HEPH: variants seen among roughly 807,000 people sequenced by gnomAD.
HEPH encodes hephaestin.
In HEPH, 69 loss-of-function variants were observed where a neutral mutation model predicts 80.8. The ratio of observed to expected loss-of-function variants is 0.85; its 90% confidence interval spans 0.70 to 1.04. The LOEUF (loss-of-function observed/expected upper bound fraction) is 1.04, where lower values mean the gene tolerates loss of function less well. Ranked by LOEUF, HEPH falls within the 50% of genes least tolerant of loss-of-function variation. The probability of loss-of-function intolerance (pLI) is 0.00; values close to 1 mark genes in which losing one functional copy is unlikely to be tolerated. For synonymous variants in HEPH, 431 were observed against 322.8 expected, an observed-to-expected ratio of 1.34 and a Z score of -3.60; for missense variants, 1,115 against 891.3, an observed-to-expected ratio of 1.25 and a Z score of -3.20.
At chrX:66,219,018 C>A (rs763930087) in intron 15 of HEPH, among the ~76,000 whole-genome samples, 2 of 111,833 alleles carry the variant, frequency 1.8e-5, no homozygotes, top group African/African-American at 3.3e-5. Flanking sequence ...CCCTTATTCC[C>A]CCACTTTGAG....
intron 5 of HEPH, among the ~76,000 whole-genome samples, chrX:66,189,337 C>T (rs1354309406): frequency 8.9e-6 from 1 of 112,406 alleles, no homozygotes; most frequent in Non-Finnish European, 1.9e-5. Flanking sequence ...TGAAACCACC[C>T]TGAAAGAATA....
intron 15 of HEPH, among the ~76,000 whole-genome samples, chrX:66,218,639 A>T (rs2089500750): frequency 9.0e-6 from 1 of 111,467 alleles, no homozygotes; most frequent in Non-Finnish European, 1.9e-5. Flanking sequence ...AGCAAGACTC[A>T]TGTTTCCAAC....
rs761911245 is a variant in HEPH, at chrX:66,237,501, T to A, written c.2564-17534T>A. 8.0e-4 allele frequency among the ~76,000 whole-genome samples: 90 copies of A among 112,322 alleles called. 2 individuals are homozygous for A. The highest frequency in any genetic ancestry group is 2.9e-3 in the African/African-American group (90 of 30,982). ...TGGACTTTGTTCTGAGAGACTGTTA[T>A]GATTTCAGTTTTTTTGCATTTGCTT... On this transcript the variant is annotated intron_variant, in intron 15 of 20. Transcript: ENST00000343002.
rs146384939 is a variant in HEPH, at chrX:66,223,937, C to T, written c.2563+15691C>T. ...TTTTTTATAACATTTTTCTCTTTCA[C>T]GACTTTCACAGACAATTCTTCGACA... On this transcript the variant is annotated intron_variant, in intron 15 of 20. Transcript: ENST00000343002. 6.9e-3 allele frequency among the ~76,000 whole-genome samples: 766 copies of T among 111,461 alleles called. 11 individuals are homozygous for T. The highest frequency in any genetic ancestry group is 0.023 in the African/African-American group (707 of 30,764).
At chrX:66,190,603 G>A (rs2087738275) in intron 6 of HEPH, among the ~76,000 whole-genome samples, 1 of 111,773 alleles carries the variant, frequency 8.9e-6, no homozygotes, top group South Asian at 3.8e-4. Context: ...TGCCACATCC[G>A]TAAAATGGGA....
At chrX:66,220,434 A>T (rs2089594860) in intron 15 of HEPH, among the ~76,000 whole-genome samples, 1 of 111,128 alleles carries the variant, frequency 9.0e-6, no homozygotes, top group Admixed American at 9.6e-5. Flanking sequence ...TCCAGCAAGG[A>T]TCAAGGGGGT....
intron 15 of HEPH, among the ~76,000 whole-genome samples, chrX:66,234,657 G>C (rs1356094592): frequency 9.6e-6 from 1 of 103,848 alleles, no homozygotes; most frequent in Non-Finnish European, 2.0e-5. Flanking sequence ...TTTTTTTTTA[G>C]AGGTAGTCTT....
chrX:66,254,995 C>G (rs368205013), intron 15 of HEPH, 40 bp from the exon 16 acceptor site: 1 of 1,005,988 alleles, frequency 9.9e-7, no homozygotes, highest in South Asian at 2.1e-5. Flanking sequence ...AGAGAAATTT[C>G]TGACCCGGTG....
chrX:66,213,452 A>G (rs12396077), intron 15 of HEPH, among the ~76,000 whole-genome samples: 6,709 of 111,686 alleles, frequency 0.06, 468 homozygotes, highest in African/African-American at 0.21. Flanking sequence ...TGGCACATAT[A>G]CACCATGGAA....
At chrX:66,172,898 T>G (rs1361524003) in intron 3 of HEPH, among the ~76,000 whole-genome samples, 1 of 112,238 alleles carries the variant, frequency 8.9e-6, no homozygotes, top group Non-Finnish European at 1.9e-5. Context: ...CCATAGAATA[T>G]TTGAATATTC....
upstream of HEPH, chrX:66,162,953 CT>C: frequency 1.1e-6 from 1 of 934,163 alleles, no homozygotes; most frequent in Non-Finnish European, 1.4e-6. Flanking sequence ...AGATGCAGTC[CT>C]TTTTAGAGAG....
intron 15 of HEPH, among the ~76,000 whole-genome samples, chrX:66,229,768 CT>C (rs200599195): frequency 1.9e-4 from 21 of 109,887 alleles, no homozygotes; most frequent in South Asian, 3.8e-4. Context: ...AAAATTTACT[CT>C]TTTTTTTTGT....
chrX:66,176,807 A>G (rs768760424), intron 4 of HEPH, among the ~76,000 whole-genome samples: 3 of 111,468 alleles, frequency 2.7e-5, no homozygotes, highest in South Asian at 3.7e-4. Context: ...AGCTTCATCC[A>G]TGTCCCTACA....
chrX:66,264,718 G>T (rs1172107083), intron 20 of HEPH, among the ~76,000 whole-genome samples: 2 of 107,748 alleles, frequency 1.9e-5, no homozygotes, highest in East Asian at 5.8e-4. Flanking sequence ...TCCTGGAGGG[G>T]ATGGGGAAAG....
chrX:66,223,030 A>G (rs1024545651), intron 15 of HEPH, among the ~76,000 whole-genome samples: 11 of 110,480 alleles, frequency 1.0e-4, no homozygotes, highest in Admixed American at 2.9e-4. Flanking sequence ...TGATGAGTCC[A>G]TCCCTTTTCT....
chrX:66,251,623 GT>G (rs2091009069), intron 15 of HEPH, among the ~76,000 whole-genome samples: 1 of 111,377 alleles, frequency 9.0e-6, no homozygotes. Context: ...ACTATGGTCA[GT>G]CCAGGGCTCT....
At chrX:66,255,280 T>G (rs1284588985) in intron 16 of HEPH, 139 bp downstream of exon 16, 2 of 384,663 alleles carry the variant, frequency 5.2e-6, no homozygotes, top group East Asian at 8.1e-5. Flanking sequence ...CTGGACTTAT[T>G]TTAATAGACA....
At chrX:66,204,248 C>T (rs780926438) in intron 13 of HEPH, among the ~76,000 whole-genome samples, 1 of 111,840 alleles carries the variant, frequency 8.9e-6, no homozygotes. Flanking sequence ...CCATAATTGG[C>T]TGCAAAAAGA....
At chrX:66,214,859 G>T (rs1326223010) in intron 15 of HEPH, among the ~76,000 whole-genome samples, 2 of 110,930 alleles carry the variant, frequency 1.8e-5, no homozygotes, top group African/African-American at 6.5e-5. Context: ...TGTCAATTCA[G>T]TTCTTGCAAT....
Sources: gnomAD v4.1 joint callset for allele counts (sites outside exome capture counted in the v4.1 genomes callset) on GRCh38, gnomAD v4.1.1 for gene constraint, MANE v1.5 for transcripts, NCBI Gene and HGNC (gene_info 2026-07-23, HGNC 2026-07-21) for gene names.